Variants in ARL13A observed in about 807,000 individuals in gnomAD.
The protein encoded by ARL13A is ARF like GTPase 13A, also known as ADP-ribosylation factor-like protein 13A.
In ARL13A, 16 loss-of-function variants were observed where a neutral mutation model predicts 19.1. That is an observed-to-expected ratio of 0.84 (90% CI 0.57 to 1.27). The LOEUF (loss-of-function observed/expected upper bound fraction) is 1.27. Ranked by LOEUF, ARL13A falls within the 50% of genes most tolerant of loss-of-function variation. The probability of loss-of-function intolerance (pLI) is 0.00; values close to 1 mark genes in which losing one functional copy is unlikely to be tolerated. For missense variants in ARL13A, 153 were observed against 186.4 expected (o/e 0.82, Z 1.04); for synonymous variants, 69 against 71.3 (o/e 0.97, Z 0.17).
intron 3 of ARL13A, among the ~76,000 whole-genome samples, chrX:100,975,631 C>CT (rs375014043): frequency 0.015 from 1,501 of 97,854 alleles, 28 homozygotes; most frequent in African/African-American, 0.049. Flanking sequence ...ATTTTCTTTG[C>CT]TTTTTTTTTT....
chrX:100,979,848 G>A lies in ARL13A; in HGVS notation c.130+5651G>A, dbSNP rs140257813. On this transcript the variant is annotated intron_variant, in intron 3 of 7. Transcript: ENST00000450049. The stretch of plus-strand genomic sequence containing the variant: ...GTAATGCTGTGACTCTTGTAAAGCT[G>A]TAGAGGTACCATTTTGGTGGTCTTG... Among the ~76,000 whole-genome samples, 196 of 112,291 alleles carry A rather than the reference G, an allele frequency of 1.7e-3. 1 individual carries two copies. Among genetic ancestry groups the A allele is most frequent in the African/African-American group, 6.1e-3 (189 of 30,922 alleles).
intron 3 of ARL13A, among the ~76,000 whole-genome samples, chrX:100,977,162 C>T (rs1602446588): frequency 9.0e-6 from 1 of 111,249 alleles, no homozygotes; most frequent in African/African-American, 3.3e-5. Context: ...CTCAAGCATT[C>T]ACCATTTATT....
intron 3 of ARL13A, among the ~76,000 whole-genome samples, chrX:100,977,347 G>T: frequency 1.0e-5 from 1 of 96,714 alleles, no homozygotes; most frequent in South Asian, 5.1e-4. Flanking sequence ...CCACCCTGTA[G>T]TAATTATCCT....
intron 6 of ARL13A, 110 bp from the exon 7 acceptor site, chrX:100,988,065 TCCTCTTGCTCTGTTGTCA>T: frequency 6.1e-6 from 3 of 492,246 alleles, no homozygotes; most frequent in Non-Finnish European, 1.0e-5. Flanking sequence ...GGCCTAAACA[TCCTCTTGCTCTGTTGTCA>T]CTTTCATTGC....
chrX:100,989,323 T>G (rs2085986434), intron 7 of ARL13A, among the ~76,000 whole-genome samples: 1 of 111,555 alleles, frequency 9.0e-6, no homozygotes, highest in South Asian at 3.7e-4. Flanking sequence ...AGAAATTTTC[T>G]CTTTTTGGCC....
rs1195941501 is a variant in ARL13A at position 100,985,836 on chromosome X, C to T, written c.300C>T (p.Asp100=). 2 of 1,209,677 alleles carry T rather than the reference C, an allele frequency of 1.7e-6. No individual in the cohort carries two copies. Among genetic ancestry groups the T allele is most frequent in the African/African-American group, 3.5e-5 (2 of 57,177 alleles). ...TTGTTTTCGTCCTGGATTCCAGTGA[C>T]ATAAGACGCATGCAGGAAGTGAAGA... is the stretch of plus-strand genomic sequence containing the variant. ...HGLVFVLDSS[D]IRRMQEVKII... The change falls in exon 4 of 8, where the codon GAC becomes GAT. Residue 100 remains aspartate, a synonymous_variant. Coordinates refer to ENST00000450049, the MANE Select transcript of ARL13A (RefSeq NM_001162491.2).
At chrX:100,990,356 A>G in intron 7 of ARL13A, 1 of 928,314 alleles carries the variant, frequency 1.1e-6, no homozygotes, top group Non-Finnish European at 1.3e-6. Flanking sequence ...AGAAAGTAAC[A>G]GAGAAAGTAA....
chrX:100,989,992 T>C (rs1026236648), intron 7 of ARL13A, among the ~76,000 whole-genome samples: 5 of 112,651 alleles, frequency 4.4e-5, no homozygotes, highest in African/African-American at 1.6e-4. Context: ...CCCTAAATCT[T>C]TGTCCAAAAT....
chrX:100,988,402 A>G, intron 7 of ARL13A, 119 bp downstream of exon 7: 1 of 1,205,468 alleles, frequency 8.3e-7, no homozygotes, highest in Non-Finnish European at 1.1e-6. Context: ...ATTATGGTCT[A>G]AAAAGAATAT....
chrX:100,974,228 T>G (rs1420853250), intron 3 of ARL13A, 31 bp downstream of exon 3: 1 of 1,080,141 alleles, frequency 9.3e-7, no homozygotes, highest in Non-Finnish European at 1.3e-6. Flanking sequence ...GATACTGGCG[T>G]GGGTCTCCCA....
chrX:100,983,690 T>C (rs1384755273), intron 3 of ARL13A, among the ~76,000 whole-genome samples: 7 of 111,666 alleles, frequency 6.3e-5, no homozygotes, highest in Non-Finnish European at 1.3e-4. Flanking sequence ...AATACAGATA[T>C]AGCAAATATC....
chrX:100,980,119 C>T (rs761264415), intron 3 of ARL13A, among the ~76,000 whole-genome samples: 85 of 110,982 alleles, frequency 7.7e-4, no homozygotes, highest in Non-Finnish European at 1.4e-3. Context: ...GATATTTATT[C>T]AAGGCCCAAG....
intron 3 of ARL13A, among the ~76,000 whole-genome samples, chrX:100,977,918 T>C (rs902027468): frequency 8.9e-6 from 1 of 112,225 alleles, no homozygotes; most frequent in Non-Finnish European, 1.9e-5. Flanking sequence ...TGATGGACTC[T>C]TAGGTTGCTT....
rs59915769 is a variant in ARL13A at position 100,977,369 on chromosome X, C to CTTTTTTTTTTTTT, written c.130+3189_130+3201dup. ...GTAGTAATTATCCTTCTACTCTCTT[C>CTTTTTTTTTTTTT]TTTTTTTTTTTTTTTTTTTTTTTTT... On this transcript the variant is annotated intron_variant, in intron 3 of 7. Transcript: ENST00000450049. Among the ~76,000 whole-genome samples the CTTTTTTTTTTTTT allele has an allele frequency of 1.2e-4, 7 of 56,457 alleles. 1 individual carries two copies. Among genetic ancestry groups the CTTTTTTTTTTTTT allele is most frequent in the African/African-American group, 5.0e-4 (7 of 13,964 alleles). The allele number at this position is 56,457 out of a possible 115,157, so 49.0% of individuals were successfully genotyped here.
At chrX:100,976,752 C>T (rs944112690) in intron 3 of ARL13A, among the ~76,000 whole-genome samples, 1 of 112,412 alleles carries the variant, frequency 8.9e-6, no homozygotes, top group Admixed American at 9.4e-5. Context: ...GCTGACATTA[C>T]AGGCATGTGC....
chrX:100,975,787 C>A (rs1296647645), intron 3 of ARL13A, among the ~76,000 whole-genome samples: 1 of 110,165 alleles, frequency 9.1e-6, no homozygotes, highest in African/African-American at 3.3e-5. Context: ...TGTGCACCAC[C>A]ACGCCTGGCT....
At chrX:100,976,632 G>A (rs1286405093) in intron 3 of ARL13A, among the ~76,000 whole-genome samples, 2 of 112,137 alleles carry the variant, frequency 1.8e-5, no homozygotes, top group Non-Finnish European at 3.8e-5. Context: ...TGTTTTTTGA[G>A]ACGGAGTTTC....
intron 3 of ARL13A, among the ~76,000 whole-genome samples, chrX:100,981,712 G>A (rs181232091): frequency 2.1e-3 from 229 of 108,693 alleles, no homozygotes; most frequent in African/African-American, 7.5e-3. Context: ...AGGAGGCTAA[G>A]GTGGGAGGAT....
At chrX:100,980,969 G>C (rs984974025) in intron 3 of ARL13A, among the ~76,000 whole-genome samples, 4 of 111,785 alleles carry the variant, frequency 3.6e-5, no homozygotes, top group African/African-American at 1.3e-4. Flanking sequence ...TATTCAAGTT[G>C]TAACACAATG....
Sources: allele counts gnomAD v4.1 joint callset (sites outside exome capture counted in the v4.1 genomes callset), GRCh38; gene constraint gnomAD v4.1.1; transcripts MANE v1.5; gene names NCBI Gene and HGNC (gene_info 2026-07-23, HGNC 2026-07-21).